The following CLSTN2 variants were observed in gnomAD, a reference collection of about 807,000 sequenced individuals.
The protein encoded by CLSTN2 is calsyntenin-2.
A neutral mutation model predicts 101.2 loss-of-function variants in CLSTN2; 48 were observed. That is an observed-to-expected ratio of 0.47 (90% CI 0.38 to 0.60). The LOEUF is 0.60. CLSTN2 is among the 20% of genes least tolerant of loss of function. The pLI is 0.00. For missense variants in CLSTN2, 1,160 were observed against 1,238.2 expected (o/e 0.94, Z 0.95); for synonymous variants, 481 against 463.6 (o/e 1.04, Z -0.48).
intron 2 of CLSTN2, among the ~76,000 whole-genome samples, chr3:140,383,303 C>T (rs749555921): frequency 1.1e-4 from 17 of 152,178 alleles, no homozygotes; most frequent in South Asian, 2.1e-4. Flanking sequence ...TATTTCTTTA[C>T]CTTCTTTGAA....
At chr3:140,135,117 C>CACACATATATATATATATAT (rs1488268767) in intron 1 of CLSTN2, among the ~76,000 whole-genome samples, 2 of 58,118 alleles carry the variant, frequency 3.4e-5, no homozygotes, top group African/African-American at 8.6e-5. Flanking sequence ...CACACACACA[C>CACACATATATATATATATAT]ATATATATAT....
chr3:140,443,357 C>T (rs540143025), intron 5 of CLSTN2, among the ~76,000 whole-genome samples: 27 of 152,346 alleles, frequency 1.8e-4, no homozygotes, highest in African/African-American at 6.5e-4. Flanking sequence ...CCTATGCTTT[C>T]CAGAAGTCTC....
At chr3:140,293,248 G>A (rs998874852) in intron 2 of CLSTN2, among the ~76,000 whole-genome samples, 1 of 151,606 alleles carries the variant, frequency 6.6e-6, no homozygotes, top group Non-Finnish European at 1.5e-5. Context: ...ACTGAGGGAT[G>A]TAGAGTGACA....
intron 1 of CLSTN2, among the ~76,000 whole-genome samples, chr3:140,027,167 A>G (rs957877170): frequency 5.3e-5 from 8 of 152,188 alleles, no homozygotes; most frequent in African/African-American, 1.9e-4. Flanking sequence ...GGGGCAGGAG[A>G]AATGGCTTTG....
intron 1 of CLSTN2, among the ~76,000 whole-genome samples, chr3:140,057,439 A>G (rs534482209): frequency 3.9e-5 from 6 of 152,246 alleles, no homozygotes; most frequent in Non-Finnish European, 8.8e-5. Context: ...CTTCCCTGAC[A>G]GTAGCAACGT....
chr3:140,552,913 G>A (rs1270426056), intron 10 of CLSTN2, among the ~76,000 whole-genome samples: 1 of 152,168 alleles, frequency 6.6e-6, no homozygotes, highest in African/African-American at 2.4e-5. Flanking sequence ...AAACATAGAT[G>A]GTATTTGTAG....
chr3:140,100,790 C>T (rs1388685640), intron 1 of CLSTN2, among the ~76,000 whole-genome samples: 1 of 152,218 alleles, frequency 6.6e-6, no homozygotes, highest in Non-Finnish European at 1.5e-5. Flanking sequence ...CAGAAGGCTG[C>T]TGTAGAGTGT....
At chr3:140,311,985 T>A (rs1158724705) in intron 2 of CLSTN2, among the ~76,000 whole-genome samples, 1 of 152,218 alleles carries the variant, frequency 6.6e-6, no homozygotes, top group African/African-American at 2.4e-5. Context: ...CTCATTAGAG[T>A]CACTTAATTA....
At chr3:140,029,418 G>T (rs972038079) in intron 1 of CLSTN2, among the ~76,000 whole-genome samples, 1 of 152,064 alleles carries the variant, frequency 6.6e-6, no homozygotes, top group Non-Finnish European at 1.5e-5. Context: ...TTAAATTTAG[G>T]TCTGTAAAGG....
chr3:140,452,065 T>C (rs1933265299), intron 6 of CLSTN2, among the ~76,000 whole-genome samples: 1 of 152,190 alleles, frequency 6.6e-6, no homozygotes, highest in South Asian at 2.1e-4. Flanking sequence ...CTAAGAAGGC[T>C]CTTGTGTGAG....
At position 140,526,691 on chromosome 3, in the gene CLSTN2, T is replaced by C. The variant is rs139089858; in HGVS notation, c.1345-5633T>C. Among the ~76,000 whole-genome samples the C allele has an allele frequency of 3.8e-3, 566 of 147,704 alleles. 7 individuals carry two copies. Among genetic ancestry groups the C allele is most frequent in the African/African-American group, 0.013 (536 of 40,374 alleles). Reference sequence around the variant, plus strand: ...CATTACTCGACTTCAAATTATACCATAAGGCAACAGTAACAAAAACAGCAT... The same window carrying C: ...CATTACTCGACTTCAAATTATACCACAAGGCAACAGTAACAAAAACAGCAT... On this transcript the variant is annotated intron_variant, in intron 8 of 16. Transcript: ENST00000458420.
At chr3:140,379,374 C>T (rs1053436710) in intron 2 of CLSTN2, among the ~76,000 whole-genome samples, 6 of 152,042 alleles carry the variant, frequency 3.9e-5, no homozygotes, top group African/African-American at 9.7e-5. Context: ...TGGAGGTTGC[C>T]GAGAAGGGAA....
chr3:140,410,019 A>G (rs991653276), intron 4 of CLSTN2, among the ~76,000 whole-genome samples: 16 of 151,994 alleles, frequency 1.1e-4, no homozygotes, highest in South Asian at 2.1e-4. Flanking sequence ...AGATGAAAAG[A>G]ATAAAAAAAA....
At chr3:140,080,760 G>T (rs769007386) in intron 1 of CLSTN2, among the ~76,000 whole-genome samples, 39 of 152,162 alleles carry the variant, frequency 2.6e-4, no homozygotes, top group Admixed American at 5.9e-4. Flanking sequence ...CCTCCAATCA[G>T]TCCCCCTACT....
At chr3:140,150,308 C>A (rs1227814249) in intron 1 of CLSTN2, among the ~76,000 whole-genome samples, 1 of 152,136 alleles carries the variant, frequency 6.6e-6, no homozygotes, top group Non-Finnish European at 1.5e-5. Flanking sequence ...TCAAATCCAG[C>A]TTTAGGGCTT....
intron 8 of CLSTN2, among the ~76,000 whole-genome samples, chr3:140,521,049 T>TA (rs1935016003): frequency 2.0e-5 from 1 of 51,148 alleles, no homozygotes; most frequent in Non-Finnish European, 3.8e-5. Flanking sequence ...CTTTTTTGCA[T>TA]TTTTTTTTTT....
intron 2 of CLSTN2, among the ~76,000 whole-genome samples, chr3:140,251,391 C>T (rs766371635): frequency 6.6e-6 from 1 of 152,060 alleles, no homozygotes; most frequent in Non-Finnish European, 1.5e-5. Context: ...TGGTAATTTG[C>T]CTAGGTATTA....
chr3:140,508,209 AG>A (rs1486301135), intron 8 of CLSTN2: 3 of 151,968 alleles, frequency 2.0e-5, no homozygotes, highest in Admixed American at 6.5e-5. Context: ...TGTGTCTGCC[AG>A]GGACTTCTCA....
At chr3:140,462,998 C>T (rs1478215109) in intron 7 of CLSTN2, among the ~76,000 whole-genome samples, 1 of 152,186 alleles carries the variant, frequency 6.6e-6, no homozygotes, top group East Asian at 1.9e-4. Flanking sequence ...AAATGTGAAC[C>T]TAGGAGCATA....
Sources: allele counts gnomAD v4.1 joint callset (sites outside exome capture counted in the v4.1 genomes callset), GRCh38; gene constraint gnomAD v4.1.1; transcripts MANE v1.5; gene names NCBI Gene and HGNC (gene_info 2026-07-23, HGNC 2026-07-21).